Variants in ZNF775 observed in about 807,000 individuals in gnomAD.
ZNF775 encodes zinc finger protein 775.
ZNF775 carries 1 observed loss-of-function variant against 2.4 expected under a neutral mutation model. The observed-to-expected ratio is 0.41, with a 90% CI of 0.15 to 1.94. The LOEUF (loss-of-function observed/expected upper bound fraction) is 1.94. ZNF775 is among the 30% of genes most tolerant of loss of function. The pLI is 0.30. For synonymous variants in ZNF775, 381 were observed against 373.3 expected, an observed-to-expected ratio of 1.02 and a Z score of -0.24; for missense variants, 823 against 826.6, an observed-to-expected ratio of 1.00 and a Z score of 0.05.
At position 150,391,744 on chromosome 7, in the gene ZNF775, T is replaced by C. The variant is rs147341832; in HGVS notation, c.31+3243T>C. Among the ~76,000 whole-genome samples, 728 of 148,866 alleles carry C rather than the reference T, an allele frequency of 4.9e-3. 7 individuals carry two copies. Among genetic ancestry groups the C allele is most frequent in the African/African-American group, 0.017 (692 of 40,292 alleles). Reference sequence around the variant, plus strand: ...TTTTTTTTTGAGATAGAGTTTTTGCTTTTTTTGCCCAGGCTGGAGTGCAGT... The same window carrying C: ...TTTTTTTTTGAGATAGAGTTTTTGCCTTTTTTGCCCAGGCTGGAGTGCAGT... On this transcript the variant is annotated intron_variant, in intron 2 of 2. Coordinates refer to ENST00000329630, the MANE Select transcript of ZNF775 (RefSeq NM_173680.4).
At chr7:150,386,629 T>G (rs1038254259) in intron 1 of ZNF775, among the ~76,000 whole-genome samples, 1 of 151,966 alleles carries the variant, frequency 6.6e-6, no homozygotes, top group East Asian at 1.9e-4. Context: ...GACTGAAATC[T>G]GGAAGAGCCC....
intron 1 of ZNF775, among the ~76,000 whole-genome samples, chr7:150,387,572 A>T (rs1428361579): frequency 6.6e-6 from 1 of 152,160 alleles, no homozygotes; most frequent in African/African-American, 2.4e-5. Context: ...CCAGCACTTC[A>T]GGAGACTGAG....
In ZNF775 at chr7:150,397,225, C is replaced by G. The variant is rs1240093068; in HGVS notation, c.744C>G (p.Pro248=). The G allele has an allele frequency of 8.9e-7, 1 of 1,129,212 alleles. No individual in the cohort carries two copies. Among genetic ancestry groups the G allele is most frequent in the Non-Finnish European group, 1.1e-6 (1 of 923,074 alleles). 69.9% of individuals were successfully genotyped at this position (1,129,212 alleles called of 1,614,324 possible). A position where few individuals can be genotyped will look rare whatever the true frequency, so the allele number is the denominator to read the frequency against. ...AGCCGGGGCCGCCGCGGGGGCGCCC[C>G]GAGTGGGCCTGGCTGGGGCTCTGCC... ...RLQPGPPRGR[P]EWAWLGLCQG... Residue 248 remains proline (P), a synonymous_variant, in exon 3 of 3, where the codon CCC becomes CCG. Transcript: ENST00000329630.
chr7:150,381,095 G>A (rs1026995365), intron 1 of ZNF775, among the ~76,000 whole-genome samples: 4 of 152,256 alleles, frequency 2.6e-5, no homozygotes, highest in Admixed American at 2.6e-4. Flanking sequence ...TGCAGGCCCT[G>A]ACAGGTTCCT....
chr7:150,395,203 A>G (rs1800627056), intron 2 of ZNF775, among the ~76,000 whole-genome samples: 2 of 152,140 alleles, frequency 1.3e-5, no homozygotes, highest in Admixed American at 6.5e-5. Flanking sequence ...CTTCTATTTC[A>G]TATAGATTTT....
At chr7:150,385,633 G>A (rs959976360) in intron 1 of ZNF775, among the ~76,000 whole-genome samples, 1 of 152,206 alleles carries the variant, frequency 6.6e-6, no homozygotes, top group African/African-American at 2.4e-5. Flanking sequence ...CATGTTCTCA[G>A]GATAAACAGC....
chr7:150,396,925 G>A lies in ZNF775; in HGVS notation c.444G>A (p.Pro148=). The part of the protein sequence containing the change: ...GKCGKSFSQK[P]NLARHQRHHT... Reference sequence around the variant, plus strand: ...GCGGCAAGAGCTTCAGCCAGAAGCCGAACCTGGCGCGCCACCAGCGGCACC... The same window carrying A: ...GCGGCAAGAGCTTCAGCCAGAAGCCAAACCTGGCGCGCCACCAGCGGCACC... Residue 148 remains proline, a synonymous_variant, in exon 3 of 3, where the codon CCG becomes CCA. Coordinates refer to ENST00000329630, the MANE Select transcript of ZNF775 (RefSeq NM_173680.4). The A allele has an allele frequency of 1.2e-6, 2 of 1,601,696 alleles. No homozygotes were observed. Among genetic ancestry groups the A allele is most frequent in the Non-Finnish European group, 1.7e-6 (2 of 1,179,586 alleles).
At position 150,384,053 on chromosome 7, in the gene ZNF775, T is replaced by C. The variant is rs965879484; in HGVS notation, c.-49-4369T>C. Among the ~76,000 whole-genome samples, 3 of 152,172 alleles carry C rather than the reference T, an allele frequency of 2.0e-5. No homozygotes were observed. Among genetic ancestry groups the C allele is most frequent in the Non-Finnish European group, 4.4e-5 (3 of 68,014 alleles). ...CTAGCTCAATCCCCTCTTTGTGTGGTTGGTCTTCAGTTGTCATGGCAGCTG... is the reference window on the plus strand; with the variant it reads ...CTAGCTCAATCCCCTCTTTGTGTGGCTGGTCTTCAGTTGTCATGGCAGCTG... On this transcript the variant is annotated intron_variant, in intron 1 of 2. Transcript: ENST00000329630. This position sits in a 1 kb window ranked among gnomAD's most constrained non-coding sequence, Gnocchi z 4.1.
rs1196357427 is a variant in ZNF775, at chr7:150,397,909, C to T, written c.1428C>T (p.Cys476=). ...RIHTGERPYP[C]PECGRRFSQK... is the part of the protein sequence containing the mutation. ...ACACGGGTGAGCGGCCCTACCCGTG[C>T]CCCGAGTGCGGCCGCCGCTTCAGCC... is the stretch of plus-strand genomic sequence containing the variant. Residue 476 remains cysteine, a synonymous_variant, in exon 3 of 3, where the codon TGC becomes TGT. Coordinates refer to ENST00000329630, the MANE Select transcript of ZNF775 (RefSeq NM_173680.4). 1.2e-6 allele frequency: 2 copies of T among 1,601,932 alleles called. No homozygotes were observed. Among genetic ancestry groups the T allele is most frequent in the Non-Finnish European group, 8.5e-7 (1 of 1,178,488 alleles).
intron 2 of ZNF775, among the ~76,000 whole-genome samples, chr7:150,390,096 A>G (rs2129621076): frequency 6.6e-6 from 1 of 152,026 alleles, no homozygotes; most frequent in Middle Eastern, 3.4e-3. Context: ...TTCTAATTTT[A>G]TCTGAACCAT....
At chr7:150,392,760 C>T (rs1427016402) in intron 2 of ZNF775, among the ~76,000 whole-genome samples, 3 of 152,200 alleles carry the variant, frequency 2.0e-5, no homozygotes, top group African/African-American at 7.2e-5. Flanking sequence ...TCTTCAACTC[C>T]TGCACTTAAG....
At position 150,396,762 on chromosome 7, in the gene ZNF775, G is replaced by C. The variant is rs1328852214; in HGVS notation, c.281G>C (p.Gly94Ala). 1 of 1,588,788 alleles carries C rather than the reference G, an allele frequency of 6.3e-7. No homozygotes were observed. The highest frequency in any genetic ancestry group is 8.6e-7 in the Non-Finnish European group (1 of 1,168,446). Reference protein sequence around the residue: ...LAGRAPGSASGPLSPSLSSGE... With the variant: ...LAGRAPGSASAPLSPSLSSGE... ...GGCCGGGCTCCCGGGTCAGCCTCCG[G>C]CCCCCTGAGCCCCTCGCTTTCCTCC... is the stretch of plus-strand genomic sequence containing the variant. Residue 94 changes from glycine (G) to alanine (A), a missense_variant, in exon 3 of 3, where the codon GGC becomes GCC. Physicochemically the swap from Gly to Ala is moderately conservative, Grantham distance 60. Transcript: ENST00000329630.
chr7:150,397,527 A>G lies in ZNF775; in HGVS notation c.1046A>G (p.Lys349Arg). The G allele has an allele frequency of 6.4e-7, 1 of 1,561,094 alleles. No individual in the cohort carries two copies. The highest frequency in any genetic ancestry group is 8.6e-7 in the Non-Finnish European group (1 of 1,160,614). Residue 349 changes from lysine (K) to arginine (R), a missense_variant, in exon 3 of 3, where the codon AAG becomes AGG. Lys to Arg is a conservative substitution (Grantham distance 26, BLOSUM62 2). Transcript: ENST00000329630. ...CPHCGRGFRQKQHLLKHLRTH... is the reference protein window; with the variant it reads ...CPHCGRGFRQRQHLLKHLRTH... ...CACTGTGGCCGCGGCTTCCGCCAGA[A>G]GCAGCACCTGCTCAAGCACCTGCGC...
chr7:150,397,961 C>T lies in ZNF775; in HGVS notation c.1480C>T (p.Arg494Cys). 1 of 1,599,428 alleles carries T rather than the reference C, an allele frequency of 6.3e-7. No homozygotes were observed. The highest frequency in any genetic ancestry group is 8.5e-7 in the Non-Finnish European group (1 of 1,178,264). The change falls in exon 3 of 3, where the codon CGC (arginine) becomes TGC (cysteine). Residue 494 changes from arginine to cysteine, a missense_variant. By Grantham distance (180) the Arg-to-Cys change is radical. Coordinates refer to ENST00000329630, the MANE Select transcript of ZNF775 (RefSeq NM_173680.4). Reference sequence around the variant, plus strand: ...GAAGCCCAACCTGACGCGGCACCGGCGCAACCACACAGGCGAGCGGCCCTA... The same window carrying T: ...GAAGCCCAACCTGACGCGGCACCGGTGCAACCACACAGGCGAGCGGCCCTA... ...SQKPNLTRHR[R>C]NHTGERPYLC...
At chr7:150,388,628 A>G in intron 2 of ZNF775, 127 bp downstream of exon 2, 1 of 1,069,044 alleles carries the variant, frequency 9.4e-7, no homozygotes, top group Non-Finnish European at 1.4e-6. Flanking sequence ...CCACTGATGC[A>G]GAATTTCAGG....
intron 1 of ZNF775, among the ~76,000 whole-genome samples, chr7:150,388,190 G>C (rs74555738): frequency 2.4e-4 from 36 of 152,214 alleles, no homozygotes; most frequent in African/African-American, 8.4e-4. Flanking sequence ...GCACATCAGG[G>C]GTCCTTCGTG....
chr7:150,379,959 ACTC>A (rs1007453263), intron 1 of ZNF775: 3 of 151,488 alleles, frequency 2.0e-5, no homozygotes, highest in Non-Finnish European at 2.9e-5. Context: ...GTGGCGGAGA[ACTC>A]CTCTCTAGGA....
intron 1 of ZNF775, among the ~76,000 whole-genome samples, chr7:150,381,533 C>T (rs950408769): frequency 6.6e-6 from 1 of 152,150 alleles, no homozygotes; most frequent in Admixed American, 6.5e-5. Flanking sequence ...TCCTCTCACA[C>T]TGTTTGCGTC....
At chr7:150,380,175 G>C (rs1222885264) in intron 1 of ZNF775, 1 of 152,206 alleles carries the variant, frequency 6.6e-6, no homozygotes, top group African/African-American at 2.4e-5. Context: ...ACAGCTAACT[G>C]TTCCCATGTT....
Sources: allele counts gnomAD v4.1 joint callset (sites outside exome capture counted in the v4.1 genomes callset), GRCh38; gene constraint gnomAD v4.1.1; non-coding constraint Gnocchi (gnomAD v3.1); transcripts MANE v1.5; gene names NCBI Gene and HGNC (gene_info 2026-07-23, HGNC 2026-07-21).